KCND2: variants seen among roughly 807,000 people sequenced by gnomAD.
KCND2 encodes the protein potassium voltage-gated channel subfamily D member 2.
Under a neutral mutation model 54.4 loss-of-function variants are expected in KCND2, and 16 were observed. The observed-to-expected ratio is 0.29, with a 90% confidence interval of 0.20 to 0.45. The LOEUF (loss-of-function observed/expected upper bound fraction) is 0.45, where lower values mean the gene tolerates loss of function less well. KCND2 is among the 20% of genes least tolerant of loss of function. The probability of loss-of-function intolerance (pLI) is 1.00; values close to 1 mark genes in which losing one functional copy is unlikely to be tolerated. For missense variants in KCND2, 486 were observed against 824.2 expected (o/e 0.59, Z 5.02); for synonymous variants, 317 against 310.7 (o/e 1.02, Z -0.21).
intron 1 of KCND2, among the ~76,000 whole-genome samples, chr7:120,708,764 C>T (rs973264877): frequency 1.3e-5 from 2 of 152,042 alleles, no homozygotes; most frequent in Non-Finnish European, 2.9e-5. Flanking sequence ...ACCCTCCCAA[C>T]CTGCTTAAGA....
chr7:120,330,677 A>C (rs1444128687), intron 1 of KCND2, among the ~76,000 whole-genome samples: 1 of 152,050 alleles, frequency 6.6e-6, no homozygotes, highest in Non-Finnish European at 1.5e-5. Context: ...AGAAATAAGA[A>C]AAAGCACCAG....
At chr7:120,291,726 G>A (rs1051260435) in intron 1 of KCND2, among the ~76,000 whole-genome samples, 2 of 151,866 alleles carry the variant, frequency 1.3e-5, no homozygotes, top group East Asian at 3.9e-4. Context: ...ATTCTACAGA[G>A]CCTGGATGCA....
chr7:120,730,470 A>G (rs889764993), intron 1 of KCND2, among the ~76,000 whole-genome samples: 6 of 152,192 alleles, frequency 3.9e-5, no homozygotes, highest in Non-Finnish European at 5.9e-5. Context: ...CATCTTCTAA[A>G]TTCCTTTAGC....
intron 1 of KCND2, among the ~76,000 whole-genome samples, chr7:120,309,466 TATATATATACAC>T (rs1287437046): frequency 3.3e-4 from 40 of 119,934 alleles, no homozygotes; most frequent in African/African-American, 8.8e-4. Flanking sequence ...TATATATATA[TATATATATACAC>T]ACACACACAC....
At chr7:120,466,486 T>C (rs1802370943) in intron 1 of KCND2, among the ~76,000 whole-genome samples, 1 of 152,080 alleles carries the variant, frequency 6.6e-6, no homozygotes, top group East Asian at 1.9e-4. Flanking sequence ...ACCAGCACAA[T>C]ACTTCCAGGT....
intron 1 of KCND2, among the ~76,000 whole-genome samples, chr7:120,697,824 A>G (rs534505562): frequency 6.6e-6 from 1 of 152,342 alleles, no homozygotes; most frequent in Admixed American, 6.5e-5. Flanking sequence ...ATTATGTATC[A>G]AGTGGTGTCA....
At chr7:120,638,528 A>C (rs1793334081) in intron 1 of KCND2, among the ~76,000 whole-genome samples, 1 of 152,156 alleles carries the variant, frequency 6.6e-6, no homozygotes, top group Non-Finnish European at 1.5e-5. Context: ...CCAACTTTCA[A>C]GCTTGTTCTC....
chr7:120,305,158 T>C (rs1264068268), intron 1 of KCND2, among the ~76,000 whole-genome samples: 1 of 152,190 alleles, frequency 6.6e-6, no homozygotes, highest in Non-Finnish European at 1.5e-5. Flanking sequence ...AGGGTAGTAA[T>C]TTTCTGAGCC....
intron 1 of KCND2, among the ~76,000 whole-genome samples, chr7:120,639,599 G>A (rs1008863724): frequency 6.6e-6 from 1 of 152,122 alleles, no homozygotes; most frequent in African/African-American, 2.4e-5. Flanking sequence ...GTCAATACTT[G>A]TCCATCATAC....
At chr7:120,587,965 T>C (rs1179093707) in intron 1 of KCND2, among the ~76,000 whole-genome samples, 7 of 152,310 alleles carry the variant, frequency 4.6e-5, no homozygotes, top group African/African-American at 1.7e-4. Flanking sequence ...GCTTATACAG[T>C]ATGTTATAAA....
At chr7:120,580,197 T>C (rs906439345) in intron 1 of KCND2, among the ~76,000 whole-genome samples, 1 of 152,220 alleles carries the variant, frequency 6.6e-6, no homozygotes, top group African/African-American at 2.4e-5. Flanking sequence ...GAATTTCCAA[T>C]GGGGGAAAAT....
At chr7:120,275,892 C>G (rs1476130256) in intron 1 of KCND2, 145 bp downstream of exon 1, 1 of 875,602 alleles carries the variant, frequency 1.1e-6, no homozygotes, top group Non-Finnish European at 1.8e-6. Context: ...TTTGGCAAAA[C>G]TCTTTTCATC....
chr7:120,658,792 G>A (rs958327023), intron 1 of KCND2, among the ~76,000 whole-genome samples: 1 of 152,098 alleles, frequency 6.6e-6, no homozygotes, highest in African/African-American at 2.4e-5. Flanking sequence ...AAAATACTAT[G>A]TTACATGTCA....
At chr7:120,690,820 G>A (rs1792259498) in intron 1 of KCND2, among the ~76,000 whole-genome samples, 1 of 152,128 alleles carries the variant, frequency 6.6e-6, no homozygotes, top group Non-Finnish European at 1.5e-5. Flanking sequence ...TCTAGTGGGA[G>A]GTGGGAGGGA....
At chr7:120,595,550 T>C (rs1792732192) in intron 1 of KCND2, among the ~76,000 whole-genome samples, 1 of 139,774 alleles carries the variant, frequency 7.2e-6, no homozygotes, top group African/African-American at 2.6e-5. Flanking sequence ...TGTATATGTG[T>C]GTGTGTATAT....
chr7:120,425,350 T>G (rs557179044), intron 1 of KCND2, among the ~76,000 whole-genome samples: 1 of 152,372 alleles, frequency 6.6e-6, no homozygotes, highest in East Asian at 1.9e-4. Context: ...CAAACACTTA[T>G]GTAGCCAAGG....
chr7:120,330,111 G>A (rs1189542591), intron 1 of KCND2, among the ~76,000 whole-genome samples: 1 of 152,088 alleles, frequency 6.6e-6, no homozygotes, highest in Non-Finnish European at 1.5e-5. Flanking sequence ...TACCTGGGTT[G>A]AAAACTCAGC....
chr7:120,510,852 C>T (rs1020300679), intron 1 of KCND2, among the ~76,000 whole-genome samples: 2 of 151,604 alleles, frequency 1.3e-5, no homozygotes, highest in Non-Finnish European at 2.9e-5. Context: ...CCTCCTTCTA[C>T]CCCCAACCCC....
In KCND2 at chr7:120,335,456, TTTAC is replaced by T. The variant is rs1161790755; in HGVS notation, c.1115+59721_1115+59724del. On this transcript the variant is annotated intron_variant, in intron 1 of 5. Transcript: ENST00000331113. ...CTTGCTTTATTTATTTATTTATTTA[TTTAC>T]TTACTTACTTATTTATTTATTTATT... Among the ~76,000 whole-genome samples the T allele has an allele frequency of 6.7e-3, 933 of 138,808 alleles. 8 individuals carry two copies. The highest frequency in any genetic ancestry group is 0.014 in the East Asian group (50 of 3,470). The allele number at this position is 138,808 out of a possible 152,430, so 91.1% of individuals were successfully genotyped here. A position where few individuals can be genotyped will look rare whatever the true frequency, so the allele number is the denominator to read the frequency against.
Sources: gnomAD v4.1 joint callset for allele counts (sites outside exome capture counted in the v4.1 genomes callset) on GRCh38, gnomAD v4.1.1 for gene constraint, MANE v1.5 for transcripts, NCBI Gene and HGNC (gene_info 2026-07-23, HGNC 2026-07-21) for gene names.